Variants in DOCK1 observed in about 807,000 individuals in gnomAD.
The protein encoded by DOCK1 is dedicator of cytokinesis 1, also known as dedicator of cytokinesis protein 1.
A neutral mutation model predicts 262.7 loss-of-function variants in DOCK1; 138 were observed. The ratio of observed to expected loss-of-function variants is 0.53; its 90% CI spans 0.46 to 0.61. The LOEUF is 0.61. Among genes scored for constraint, DOCK1 ranks in the 20% least tolerant of loss-of-function variants. The probability of loss-of-function intolerance (pLI) is 0.00; values close to 1 mark genes in which losing one functional copy is unlikely to be tolerated. For synonymous variants in DOCK1, 866 were observed against 867.4 expected, an observed-to-expected ratio of 1.00 and a Z score of 0.03; for missense variants, 1,908 against 2,370.7, an observed-to-expected ratio of 0.80 and a Z score of 4.05.
intron 1 of DOCK1, among the ~76,000 whole-genome samples, chr10:126,930,594 C>G (rs2034115052): frequency 6.6e-6 from 1 of 152,194 alleles, no homozygotes; most frequent in Admixed American, 6.5e-5. Flanking sequence ...CAGGGCTGGC[C>G]CTCTCCAGCC....
At chr10:126,938,419 T>C (rs1306162663) in intron 1 of DOCK1, among the ~76,000 whole-genome samples, 1 of 152,206 alleles carries the variant, frequency 6.6e-6, no homozygotes, top group African/African-American at 2.4e-5. Context: ...TTCTTTCCCA[T>C]TGAATGGTCT....
At chr10:127,141,337 A>G (rs1249258205) in intron 27 of DOCK1, among the ~76,000 whole-genome samples, 1 of 152,206 alleles carries the variant, frequency 6.6e-6, no homozygotes, top group Non-Finnish European at 1.5e-5. Context: ...TCCAGCAACT[A>G]TAGCAGGGGC....
chr10:126,993,913 G>C (rs1324551845), intron 6 of DOCK1, among the ~76,000 whole-genome samples: 1 of 152,232 alleles, frequency 6.6e-6, no homozygotes, highest in African/African-American at 2.4e-5. Flanking sequence ...AAGACTCGAA[G>C]TCTCAGGGTA....
chr10:127,345,878 T>G (rs2063611213), intron 31 of DOCK1, among the ~76,000 whole-genome samples: 1 of 152,208 alleles, frequency 6.6e-6, no homozygotes, highest in African/African-American at 2.4e-5. Flanking sequence ...TTGCTGTTCT[T>G]GTTGATTTGC....
chr10:127,119,731 A>G (rs189847199), intron 25 of DOCK1, among the ~76,000 whole-genome samples: 2 of 152,346 alleles, frequency 1.3e-5, no homozygotes, highest in African/African-American at 4.8e-5. Context: ...CATTTATTTA[A>G]TGTGACCAAA....
Position 127,127,685 on chromosome 10 carries a change from A to G in DOCK1, c.2768A>G (p.His923Arg), listed in dbSNP as rs1417956801. 2 of 1,612,616 alleles carry G rather than the reference A, an allele frequency of 1.2e-6. No homozygotes were observed. The highest frequency in any genetic ancestry group is 2.2e-5 in the East Asian group (1 of 44,864). Residue 923 changes from histidine to arginine, a missense_variant, in exon 27 of 52, where the codon CAC becomes CGC. By Grantham distance (29) the His-to-Arg change is conservative. Transcript: ENST00000623213. ...YRKDVGPTQRHVQIIMEKLLR... is the reference protein window; with the variant it reads ...YRKDVGPTQRRVQIIMEKLLR... The stretch of plus-strand genomic sequence containing the variant: ...CTTCCCCAGGGGCCAACCCAGAGGC[A>G]CGTCCAGATTATCATGGAGAAACTT...
rs948182664 is a variant in DOCK1, at chr10:126,949,627, T to A, written c.47-21075T>A. 3.3e-5 allele frequency among the ~76,000 whole-genome samples: 5 copies of A among 152,142 alleles called. 1 individual carries two copies. Among genetic ancestry groups the A allele is most frequent in the African/African-American group, 1.2e-4 (5 of 41,430 alleles). The stretch of plus-strand genomic sequence containing the variant: ...CGGGTGTTGAATGTCCTTTCTGTGC[T>A]ATAACTATAAATTCATGTTAGACAG... On this transcript the variant is annotated intron_variant, in intron 1 of 51. Coordinates refer to ENST00000623213, the MANE Select transcript of DOCK1 (RefSeq NM_001290223.2).
At chr10:127,312,920 C>A (rs1485993367) in intron 29 of DOCK1, among the ~76,000 whole-genome samples, 2 of 152,060 alleles carry the variant, frequency 1.3e-5, no homozygotes, top group Non-Finnish European at 2.9e-5. Flanking sequence ...CTTCTCTCTC[C>A]TGCTGGAAAC....
chr10:126,956,059 C>T (rs963736583), intron 1 of DOCK1, among the ~76,000 whole-genome samples: 12 of 152,184 alleles, frequency 7.9e-5, no homozygotes, highest in African/African-American at 2.7e-4. Context: ...CTCTCTGCCA[C>T]TGTTCAGTTT....
intron 27 of DOCK1, among the ~76,000 whole-genome samples, chr10:127,224,718 T>G (rs1171992247): frequency 1.3e-5 from 2 of 151,606 alleles, no homozygotes; most frequent in Non-Finnish European, 2.9e-5. Flanking sequence ...AGACCCTGTC[T>G]CAAAAAAAAG....
chr10:127,134,835 A>G (rs182541818), intron 27 of DOCK1, among the ~76,000 whole-genome samples: 42 of 152,242 alleles, frequency 2.8e-4, no homozygotes, highest in Non-Finnish European at 5.3e-4. Flanking sequence ...GATACTGGGA[A>G]AAAGCATTGT....
intron 29 of DOCK1, among the ~76,000 whole-genome samples, chr10:127,297,048 G>C (rs566406497): frequency 6.6e-6 from 1 of 152,264 alleles, no homozygotes; most frequent in South Asian, 2.1e-4. Flanking sequence ...GCTATTCCCA[G>C]TTCATCAGCA....
chr10:127,177,744 A>G (rs1030581480), intron 27 of DOCK1, among the ~76,000 whole-genome samples: 7 of 152,254 alleles, frequency 4.6e-5, no homozygotes, highest in African/African-American at 7.2e-5. Context: ...CACAAGAACT[A>G]TGACATGCGC....
intron 25 of DOCK1, 137 bp downstream of exon 25, chr10:127,110,491 A>G: frequency 1.3e-6 from 1 of 744,434 alleles, no homozygotes; most frequent in South Asian, 1.7e-5. Context: ...AGACAGGAAG[A>G]TTTAGCCCTT....
At chr10:127,313,681 G>A (rs74158658) in intron 29 of DOCK1, among the ~76,000 whole-genome samples, 3,031 of 152,096 alleles carry the variant, frequency 0.02, 103 homozygotes, top group African/African-American at 0.068. Context: ...CTCTCGACCC[G>A]CAGCAGACAC....
chr10:127,175,409 C>T lies in DOCK1; in HGVS notation c.2847+47645C>T, dbSNP rs527749367. 7.9e-5 allele frequency: 128 copies of T among 1,613,542 alleles called. No individual in the cohort carries two copies. In the South Asian group the frequency reaches 9.6e-4, roughly 12 times the overall value. On this transcript the variant is annotated intron_variant, in intron 27 of 51. Coordinates refer to ENST00000623213, the MANE Select transcript of DOCK1 (RefSeq NM_001290223.2). This position sits in a 1 kb window ranked among gnomAD's most constrained non-coding sequence, Gnocchi z 6.3. The stretch of plus-strand genomic sequence containing the variant: ...TGGGACTAGGCTGGTTCCCCAGCCC[C>T]GGCGGGGTGTGAGTCTGCGACGGCT...
intron 1 of DOCK1, among the ~76,000 whole-genome samples, chr10:126,917,283 G>A (rs972143919): frequency 6.6e-6 from 1 of 152,180 alleles, no homozygotes; most frequent in Admixed American, 6.5e-5. Flanking sequence ...AAATCTCTTT[G>A]GGTTTGGGAA....
In DOCK1 at chr10:126,962,439, A is replaced by G. The variant is rs1019320276; in HGVS notation, c.47-8263A>G. 5.7e-3 allele frequency among the ~76,000 whole-genome samples: 863 copies of G among 152,162 alleles called. 8 individuals carry two copies. The highest frequency in any genetic ancestry group is 6.5e-3 in the Non-Finnish European group (445 of 68,012). ...CTCCCAAAGTGCTGGGATTACAGGT[A>G]TGAACCACTGCACCCGGCCAGTTTT... On this transcript the variant is annotated intron_variant, in intron 1 of 51. Coordinates refer to ENST00000623213, the MANE Select transcript of DOCK1 (RefSeq NM_001290223.2).
intron 5 of DOCK1, chr10:126,988,003 ATTTT>A (rs5788814): frequency 9.6e-5 from 13 of 135,254 alleles, no homozygotes; most frequent in Non-Finnish European, 1.7e-4. Context: ...GGCAATTACT[ATTTT>A]TTTTTTTTTT....
Sources: gnomAD v4.1 joint callset for allele counts (sites outside exome capture counted in the v4.1 genomes callset) on GRCh38, gnomAD v4.1.1 for gene constraint, Gnocchi (gnomAD v3.1) non-coding constraint, MANE v1.5 for transcripts, NCBI Gene and HGNC (gene_info 2026-07-23, HGNC 2026-07-21) for gene names.